DHX35: variants seen among roughly 807,000 people sequenced by gnomAD.
DHX35 encodes the protein DEAH-box helicase 35.
A neutral mutation model predicts 99.6 loss-of-function variants in DHX35; 84 were observed. The observed-to-expected ratio is 0.84, with a 90% CI of 0.71 to 1.01. DHX35 has a LOEUF of 1.01. DHX35 is among the 50% of genes least tolerant of loss of function. DHX35 has a pLI of 0.00. For synonymous variants in DHX35, 331 were observed against 316.2 expected (o/e 1.05, Z -0.50); for missense variants, 852 against 888.5 (o/e 0.96, Z 0.52).
chr20:38,999,871 C>T (rs2086491251), intron 8 of DHX35, among the ~76,000 whole-genome samples: 1 of 152,204 alleles, frequency 6.6e-6, no homozygotes, highest in South Asian at 2.1e-4. Flanking sequence ...AATAAAGTGC[C>T]AGTGCAGCTG....
intron 2 of DHX35, among the ~76,000 whole-genome samples, chr20:38,971,852 T>C (rs1156229176): frequency 4.6e-5 from 7 of 152,178 alleles, no homozygotes; most frequent in African/African-American, 1.7e-4. Flanking sequence ...TTATGACTGA[T>C]TTAACCAAAC....
At chr20:38,973,395 G>T (rs1033075218) in intron 3 of DHX35, among the ~76,000 whole-genome samples, 2 of 152,138 alleles carry the variant, frequency 1.3e-5, no homozygotes, top group Non-Finnish European at 2.9e-5. Context: ...GAATACATCT[G>T]TGTTACCAGC....
intron 8 of DHX35, among the ~76,000 whole-genome samples, chr20:38,998,588 T>C (rs1025679853): frequency 6.6e-6 from 1 of 152,232 alleles, no homozygotes; most frequent in African/African-American, 2.4e-5. Flanking sequence ...TGTATGTCAA[T>C]GTGACCCCAC....
chr20:39,003,119 T>C (rs1568738976), intron 10 of DHX35, among the ~76,000 whole-genome samples: 1 of 152,182 alleles, frequency 6.6e-6, no homozygotes, highest in Non-Finnish European at 1.5e-5. Flanking sequence ...CAAAATAAAC[T>C]AGGTAGTTGA....
intron 3 of DHX35, among the ~76,000 whole-genome samples, chr20:38,980,115 A>G (rs1045701346): frequency 2.6e-5 from 4 of 152,100 alleles, no homozygotes; most frequent in African/African-American, 9.7e-5. Context: ...CTCAGCAATC[A>G]TAAGCATGCC....
At chr20:39,030,538 G>A (rs1240019687) in intron 19 of DHX35, 166 bp from the exon 20 acceptor site, 2 of 616,842 alleles carry the variant, frequency 3.2e-6, no homozygotes, top group Middle Eastern at 4.4e-4. Flanking sequence ...TGGGGTGGCA[G>A]CCAGGAGAGG....
intron 1 of DHX35, among the ~76,000 whole-genome samples, chr20:38,963,694 A>T (rs1169184810): frequency 6.6e-6 from 1 of 152,244 alleles, no homozygotes; most frequent in Non-Finnish European, 1.5e-5. Flanking sequence ...AATTACTCTT[A>T]AGAGTTCTAT....
In DHX35 at chr20:39,003,840, T is replaced by G; in HGVS notation, c.944T>G (p.Met315Arg). 1.9e-6 allele frequency: 3 copies of G among 1,614,210 alleles called. No individual in the cohort carries two copies. Among genetic ancestry groups the G allele is most frequent in the Non-Finnish European group, 2.5e-6 (3 of 1,180,038 alleles). The change falls in exon 11 of 22, where the codon ATG becomes AGG. Residue 315 changes from methionine (M) to arginine (R), a missense_variant. By Grantham distance (91) the Met-to-Arg change is moderately conservative (BLOSUM62 -1). Transcript: ENST00000252011. ...AAGAGACACCTCCGAGTTCTCCCCA[T>G]GTATGCAGGACTGCCTTCCTTTGAG... The part of the protein sequence containing the change: ...GMKRHLRVLP[M>R]YAGLPSFEQM...
chr20:38,966,964 T>G (rs939067556), intron 1 of DHX35, among the ~76,000 whole-genome samples: 11 of 152,202 alleles, frequency 7.2e-5, no homozygotes, highest in African/African-American at 2.7e-4. Flanking sequence ...TTCCATCTTT[T>G]GTCTTGTTGA....
At chr20:38,980,974 TCA>T (rs2086163051) in intron 3 of DHX35, among the ~76,000 whole-genome samples, 1 of 152,206 alleles carries the variant, frequency 6.6e-6, no homozygotes, top group South Asian at 2.1e-4. Flanking sequence ...AGAATGTTCC[TCA>T]GTTTGGGTTT....
chr20:38,980,861 G>A (rs1259016922), intron 3 of DHX35, among the ~76,000 whole-genome samples: 2 of 152,082 alleles, frequency 1.3e-5, no homozygotes, highest in Admixed American at 1.3e-4. Context: ...ATTGCATTTA[G>A]TTGTTGTTTC....
chr20:39,014,795 G>A (rs1009658514), intron 13 of DHX35, 85 bp from the exon 14 acceptor site: 1 of 1,516,894 alleles, frequency 6.6e-7, no homozygotes, highest in East Asian at 2.3e-5. Flanking sequence ...TTAGAGGGGA[G>A]AATGGATTTG....
At chr20:38,993,936 C>T (rs1335954651) in intron 7 of DHX35, among the ~76,000 whole-genome samples, 1 of 152,086 alleles carries the variant, frequency 6.6e-6, no homozygotes, top group African/African-American at 2.4e-5. Flanking sequence ...AAAAGATGTT[C>T]CCTCTGGGAG....
chr20:38,988,014 G>A (rs771203459), intron 4 of DHX35, among the ~76,000 whole-genome samples: 4 of 152,130 alleles, frequency 2.6e-5, no homozygotes, highest in Non-Finnish European at 5.9e-5. Flanking sequence ...TCATGGTCCC[G>A]GGGGATGGGT....
intron 7 of DHX35, among the ~76,000 whole-genome samples, chr20:38,993,056 C>T (rs987625022): frequency 6.6e-6 from 1 of 152,170 alleles, no homozygotes; most frequent in Non-Finnish European, 1.5e-5. Context: ...TCTCTCCTCC[C>T]TTCCCATATT....
In DHX35 at chr20:38,962,454, G is replaced by A. The variant is rs1019361471; in HGVS notation, c.40+47G>A. On this transcript the variant is annotated intron_variant, in intron 1 of 21. Coordinates refer to ENST00000252011, the MANE Select transcript of DHX35 (RefSeq NM_021931.4). Reference sequence around the variant, plus strand: ...TGGGCAGATGCGGCGGCCTGACTTCGGTCTTGGCGCCGCGGCCGGCGCCCT... The same window carrying A: ...TGGGCAGATGCGGCGGCCTGACTTCAGTCTTGGCGCCGCGGCCGGCGCCCT... 1.9e-6 allele frequency: 3 copies of A among 1,599,100 alleles called. No individual in the cohort carries two copies. In the East Asian group the frequency reaches 6.8e-5, roughly 36 times the overall value.
chr20:39,017,477 C>T (rs2086804733), intron 14 of DHX35, among the ~76,000 whole-genome samples: 1 of 152,086 alleles, frequency 6.6e-6, no homozygotes, highest in Admixed American at 6.6e-5. Flanking sequence ...GGTTTTTCTC[C>T]AGTCAAACAG....
At chr20:39,025,436 G>A in intron 18 of DHX35, 77 bp downstream of exon 18, 3 of 1,560,252 alleles carry the variant, frequency 1.9e-6, no homozygotes, top group Non-Finnish European at 2.6e-6. Context: ...TCTCATGCTG[G>A]GCTGGTGCGA....
chr20:39,020,649 C>G (rs2086858759), intron 15 of DHX35, among the ~76,000 whole-genome samples: 1 of 112,380 alleles, frequency 8.9e-6, no homozygotes, highest in South Asian at 2.8e-4. Flanking sequence ...CATTTAGAAA[C>G]AGGATTCTTT....
Sources: gnomAD v4.1 joint callset for allele counts (sites outside exome capture counted in the v4.1 genomes callset) on GRCh38, gnomAD v4.1.1 for gene constraint, MANE v1.5 for transcripts, NCBI Gene and HGNC (gene_info 2026-07-23, HGNC 2026-07-21) for gene names.